The following MORN1 variants were observed in gnomAD, a reference collection of about 807,000 sequenced individuals.
The protein encoded by MORN1 is MORN repeat-containing protein 1.
MORN1 carries 67 observed loss-of-function variants against 61.9 expected under a neutral mutation model. The ratio of observed to expected loss-of-function variants is 1.08; its 90% CI spans 0.89 to 1.33. MORN1 has a LOEUF of 1.33. MORN1 is among the 40% of genes most tolerant of loss of function. The pLI, the probability that MORN1 is intolerant of heterozygous loss-of-function variation, is 0.00. For synonymous variants in MORN1, 301 were observed against 292.0 expected (o/e 1.03, Z -0.31); for missense variants, 752 against 691.2 (o/e 1.09, Z -0.99).
In MORN1 at chr1:2,334,680, T is replaced by TC; in HGVS notation, c.1250+1788dup. 6.6e-6 allele frequency among the ~76,000 whole-genome samples: 1 copy of TC among 152,116 alleles called. No individual in the cohort carries two copies. Among genetic ancestry groups the TC allele is most frequent in the Admixed American group, 6.5e-5 (1 of 15,272 alleles). On this transcript the variant is annotated intron_variant, in intron 12 of 13. Coordinates refer to ENST00000378531, the MANE Select transcript of MORN1 (RefSeq NM_024848.3). The surrounding 1 kb of genome is among the most constrained non-coding windows in gnomAD (Gnocchi z 5.4). The stretch of plus-strand genomic sequence containing the variant: ...ACGACATCATTTGAACACTGAACAC[T>TC]CCGACTCCGCGGCCAGGTCGTCCTG...
chr1:2,381,049 G>A (rs965804823), intron 6 of MORN1, among the ~76,000 whole-genome samples: 3 of 152,218 alleles, frequency 2.0e-5, no homozygotes, highest in Admixed American at 2.0e-4. Flanking sequence ...AGGGCCCAGC[G>A]CTAAGATGCA....
intron 6 of MORN1, among the ~76,000 whole-genome samples, chr1:2,383,260 TA>T (rs1179951944): frequency 6.6e-6 from 1 of 152,234 alleles, no homozygotes; most frequent in South Asian, 2.1e-4. Context: ...GTTTCTACTT[TA>T]ACTCCTATGG....
In MORN1 at chr1:2,333,969, T is replaced by A. The variant is rs535628057; in HGVS notation, c.1250+2500A>T. On this transcript the variant is annotated intron_variant, in intron 12 of 13. Transcript: ENST00000378531. ...TGGGCCCAGAGCCAGGTCTGGACGCTGGTTGGGGGAGCTGGGACCCAGACC... is the reference window on the plus strand; with the variant it reads ...TGGGCCCAGAGCCAGGTCTGGACGCAGGTTGGGGGAGCTGGGACCCAGACC... Among the ~76,000 whole-genome samples the A allele has an allele frequency of 1.1e-4, 17 of 152,190 alleles. No individual in the cohort carries two copies. In the East Asian group the frequency reaches 2.7e-3, roughly 24 times the overall value.
chr1:2,326,866 A>G (rs999473862), intron 12 of MORN1, among the ~76,000 whole-genome samples: 6 of 152,196 alleles, frequency 3.9e-5, no homozygotes. Flanking sequence ...GTGTCTGGGG[A>G]TCAGGGTGAA....
chr1:2,372,729 G>C lies in MORN1; in HGVS notation c.635-138C>G. On this transcript the variant is annotated intron_variant, in intron 7 of 13. Transcript: ENST00000378531. The surrounding 1 kb of genome is among the most constrained non-coding windows in gnomAD (Gnocchi z 5.4). ...TGGAACACAAGCACATGCGGGGGCC[G>C]ACCCTCCGCAAACCACCTTGCAGAG... 1 of 624,732 alleles carries C rather than the reference G, an allele frequency of 1.6e-6. No homozygotes were observed. The highest frequency in any genetic ancestry group is 2.8e-6 in the Non-Finnish European group (1 of 355,776). The allele number at this position is 624,732 out of a possible 1,614,324, so 38.7% of individuals were successfully genotyped here.
chr1:2,381,293 C>T (rs776829802), intron 6 of MORN1, among the ~76,000 whole-genome samples: 36 of 152,252 alleles, frequency 2.4e-4, no homozygotes, highest in Non-Finnish European at 4.7e-4. Flanking sequence ...CCCTTCTCAG[C>T]GTCTACATCG....
intron 12 of MORN1, among the ~76,000 whole-genome samples, chr1:2,325,142 CCCTCCCTT>C (rs1183562073): frequency 1.2e-4 from 12 of 97,094 alleles, no homozygotes; most frequent in African/African-American, 3.3e-4. Context: ...TTCCCTCCCT[CCCTCCCTT>C]CCTTCCCTCC....
At chr1:2,381,030 T>A (rs1221476820) in intron 6 of MORN1, among the ~76,000 whole-genome samples, 1 of 152,212 alleles carries the variant, frequency 6.6e-6, no homozygotes, top group Non-Finnish European at 1.5e-5. Flanking sequence ...GGAGAGGCAC[T>A]GTGACCGGAG....
intron 10 of MORN1, among the ~76,000 whole-genome samples, chr1:2,349,013 C>A (rs1641592392): frequency 6.6e-6 from 1 of 152,192 alleles, no homozygotes; most frequent in Non-Finnish European, 1.5e-5. Flanking sequence ...CCCTGCTGCA[C>A]CCCTCAGCAC....
chr1:2,323,564 C>G (rs773465029), intron 13 of MORN1: 1 of 985,238 alleles, frequency 1.0e-6, no homozygotes, highest in Non-Finnish European at 1.2e-6. Context: ...CAGGCCCAGG[C>G]TGTGGGGCGA....
chr1:2,361,634 G>A (rs1363997779), intron 8 of MORN1, among the ~76,000 whole-genome samples: 1 of 152,114 alleles, frequency 6.6e-6, no homozygotes, highest in Non-Finnish European at 1.5e-5. Context: ...TAATGTATGA[G>A]ATAAAAAATA....
At position 2,372,136 on chromosome 1, in the gene MORN1, C is replaced by G. The variant is rs1171836542; in HGVS notation, c.745+345G>C. The G allele has an allele frequency of 4.1e-6, 1 of 243,444 alleles. No homozygotes were observed. The highest frequency in any genetic ancestry group is 1.2e-4 in the East Asian group (1 of 8,686). 15.1% of individuals were successfully genotyped at this position (243,444 alleles called of 1,614,324 possible). A position where few individuals can be genotyped will look rare whatever the true frequency, so the allele number is the denominator to read the frequency against. ...CTCACTAGAATGGAAGACTGTTCCT[C>G]CTAAAAAGGAAGGACACTCTGACAC... On this transcript the variant is annotated intron_variant, in intron 8 of 13. Coordinates refer to ENST00000378531, the MANE Select transcript of MORN1 (RefSeq NM_024848.3). The surrounding 1 kb of genome is among the most constrained non-coding windows in gnomAD (Gnocchi z 5.4).
At chr1:2,321,615 C>T in intron 13 of MORN1, 36 bp from the exon 14 acceptor site, 1 of 1,440,632 alleles carries the variant, frequency 6.9e-7, no homozygotes, top group African/African-American at 1.5e-5. Flanking sequence ...TCAGCAGGCT[C>T]CTGTCCCTTC....
At chr1:2,333,344 G>A (rs780102136) in intron 12 of MORN1, among the ~76,000 whole-genome samples, 4 of 152,208 alleles carry the variant, frequency 2.6e-5, no homozygotes, top group Non-Finnish European at 5.9e-5. Flanking sequence ...CCCAGCTCCC[G>A]AAGCCTCCTC....
chr1:2,379,875 C>T (rs1642331788), intron 6 of MORN1, among the ~76,000 whole-genome samples: 1 of 152,184 alleles, frequency 6.6e-6, no homozygotes, highest in Non-Finnish European at 1.5e-5. Flanking sequence ...TCCGATGCAG[C>T]AGTCTCACCT....
At chr1:2,322,646 G>T (rs1049472860) in intron 13 of MORN1, 1 of 985,480 alleles carries the variant, frequency 1.0e-6, no homozygotes, top group Non-Finnish European at 1.2e-6. Context: ...GGGCACCGGG[G>T]ACAGCCTCCC....
intron 10 of MORN1, among the ~76,000 whole-genome samples, chr1:2,356,109 C>T (rs1641762562): frequency 6.6e-6 from 1 of 152,130 alleles, no homozygotes; most frequent in African/African-American, 2.4e-5. Context: ...AGGTGGGGCT[C>T]AGGTCTAGAG....
At chr1:2,323,010 C>A (rs1640916875) in intron 13 of MORN1, 1 of 985,348 alleles carries the variant, frequency 1.0e-6, no homozygotes, top group Non-Finnish European at 1.2e-6. Context: ...TCGGATCTCC[C>A]TTCGCTCCTC....
intron 12 of MORN1, among the ~76,000 whole-genome samples, 172 bp from the exon 13 acceptor site, chr1:2,324,315 C>T (rs576173094): frequency 3.1e-4 from 47 of 152,336 alleles, no homozygotes; most frequent in African/African-American, 1.0e-3. Context: ...AGTCCTCTGG[C>T]AGCCTGCACC....
Sources: allele counts gnomAD v4.1 joint callset (sites outside exome capture counted in the v4.1 genomes callset), GRCh38; gene constraint gnomAD v4.1.1; non-coding constraint Gnocchi (gnomAD v3.1); transcripts MANE v1.5; gene names NCBI Gene and HGNC (gene_info 2026-07-23, HGNC 2026-07-21).